ADAMTS14: variants seen among roughly 807,000 people sequenced by gnomAD.
ADAMTS14 encodes the protein ADAM metallopeptidase with thrombospondin type 1 motif 14, also known as A disintegrin and metalloproteinase with thrombospondin motifs 14.
Under a neutral mutation model 128.6 loss-of-function variants are expected in ADAMTS14, and 100 were observed. The ratio of observed to expected loss-of-function variants is 0.78; its 90% CI spans 0.66 to 0.92. The LOEUF is 0.92. Among genes scored for constraint, ADAMTS14 ranks in the 40% least tolerant of loss-of-function variants. The pLI is 0.00. For missense variants in ADAMTS14, 1,562 were observed against 1,658.6 expected (o/e 0.94, Z 1.01); for synonymous variants, 665 against 653.8 (o/e 1.02, Z -0.26).
rs151078249 is a variant in ADAMTS14, at chr10:70,675,203, C to T, written c.522+208C>T. On this transcript the variant is annotated intron_variant, in intron 2 of 21. Transcript: ENST00000373207. Reference sequence around the variant, plus strand: ...CCAAGTTGGGATGATGTTCACCCCTCGCCTTCCATGGACCCAGCTGGATCA... The same window carrying T: ...CCAAGTTGGGATGATGTTCACCCCTTGCCTTCCATGGACCCAGCTGGATCA... 1.1e-4 allele frequency among the ~76,000 whole-genome samples: 16 copies of T among 152,308 alleles called. No individual in the cohort carries two copies. In the East Asian group the frequency reaches 2.1e-3, roughly 20 times the overall value.
chr10:70,745,162 G>T (rs957407120), intron 14 of ADAMTS14, 64 bp from the exon 15 acceptor site: 18 of 1,493,256 alleles, frequency 1.2e-5, no homozygotes, highest in Non-Finnish European at 1.6e-5. Flanking sequence ...GGGAGTGGGG[G>T]ACGCTGGGCA....
intron 2 of ADAMTS14, among the ~76,000 whole-genome samples, chr10:70,694,682 AT>A (rs148079755): frequency 0.015 from 2,334 of 152,310 alleles, 55 homozygotes; most frequent in African/African-American, 0.053. Context: ...TATTTTCAAG[AT>A]TCATCCATCA....
intron 4 of ADAMTS14, 98 bp from the exon 5 acceptor site, chr10:70,729,196 G>C: frequency 9.7e-7 from 1 of 1,026,528 alleles, no homozygotes; most frequent in South Asian, 1.3e-5. Flanking sequence ...TAAGGTCACG[G>C]TGGGGATACC....
chr10:70,677,573 C>A (rs1839683312), intron 2 of ADAMTS14, among the ~76,000 whole-genome samples: 1 of 152,070 alleles, frequency 6.6e-6, no homozygotes, highest in Non-Finnish European at 1.5e-5. Flanking sequence ...TGCCTGGGTC[C>A]CCCTCCCCTT....
intron 6 of ADAMTS14, 62 bp downstream of exon 6, chr10:70,730,311 T>G: frequency 6.4e-7 from 1 of 1,559,998 alleles, no homozygotes; most frequent in Non-Finnish European, 8.7e-7. Flanking sequence ...AGACAGAGGC[T>G]GGGCCTGGAG....
At chr10:70,743,459 G>A in intron 12 of ADAMTS14, 89 bp from the exon 13 acceptor site, 1 of 1,470,930 alleles carries the variant, frequency 6.8e-7, no homozygotes, top group Non-Finnish European at 9.0e-7. Flanking sequence ...GCTGGCCCCG[G>A]AGCTTTCTGG....
At position 70,730,113 on chromosome 10, in the gene ADAMTS14, G is replaced by A. The variant is rs767264188; in HGVS notation, c.966G>A (p.Leu322=). 1.2e-6 allele frequency: 2 copies of A among 1,605,008 alleles called. No homozygotes were observed. The highest frequency in any genetic ancestry group is 3.3e-5 in the Admixed American group (2 of 59,930). The change falls in exon 6 of 22, where the codon CTG becomes CTA. Residue 322 remains leucine (L), a synonymous_variant. Transcript: ENST00000373207. ...IMVGYRQSLS[L]IERGNPSRSL... ...CCCGGCCCCTGCAGTCCCTGAGCCT[G>A]ATCGAGCGCGGGAACCCCTCACGCA...
intron 2 of ADAMTS14, among the ~76,000 whole-genome samples, chr10:70,701,381 C>T (rs1305997331): frequency 1.3e-5 from 2 of 152,234 alleles, no homozygotes; most frequent in Non-Finnish European, 2.9e-5. Flanking sequence ...ATTTGTCGAA[C>T]GAGTGAAGGA....
intron 7 of ADAMTS14, 132 bp from the exon 8 acceptor site, chr10:70,733,753 A>T (rs7085143): frequency 0.26 from 310,741 of 1,190,134 alleles, 42,940 homozygotes; most frequent in Non-Finnish European, 0.28. Flanking sequence ...GTGGTTGGAA[A>T]ACTGAGGCCA....
At chr10:70,729,616 C>A (rs1804789068) in intron 5 of ADAMTS14, among the ~76,000 whole-genome samples, 1 of 152,088 alleles carries the variant, frequency 6.6e-6, no homozygotes, top group African/African-American at 2.4e-5. Context: ...ACTGGGAGAT[C>A]CCTCTTCTTG....
intron 19 of ADAMTS14, among the ~76,000 whole-genome samples, chr10:70,757,333 A>C (rs192835790): frequency 3.3e-5 from 5 of 152,032 alleles, no homozygotes; most frequent in African/African-American, 9.7e-5. Context: ...TTTTGAACAT[A>C]CTTCTGCAGG....
At position 70,755,570 on chromosome 10, in the gene ADAMTS14, C is replaced by A. The variant is rs183171553; in HGVS notation, c.2937+1563C>A. ...TTAAAAATAGTTAAGATGGGCTGGG[C>A]GCGGTGGCTCACGCCTGTAATCCCA... On this transcript the variant is annotated intron_variant, in intron 19 of 21. Transcript: ENST00000373207. 7.2e-5 allele frequency among the ~76,000 whole-genome samples: 11 copies of A among 152,182 alleles called. No homozygotes were observed. The East Asian group carries it at 2.1e-3, about 29-fold the overall frequency.
At chr10:70,732,416 A>G in intron 7 of ADAMTS14, 57 bp downstream of exon 7, 1 of 1,467,810 alleles carries the variant, frequency 6.8e-7, no homozygotes, top group South Asian at 1.2e-5. Flanking sequence ...GCTCCAGGGA[A>G]TTCTGTGGCT....
intron 19 of ADAMTS14, among the ~76,000 whole-genome samples, chr10:70,757,280 T>C (rs1842499075): frequency 6.6e-6 from 1 of 152,210 alleles, no homozygotes; most frequent in South Asian, 2.1e-4. Flanking sequence ...TGGTGCCTCC[T>C]GCTCCTTGTA....
At chr10:70,699,322 A>G (rs1178362820) in intron 2 of ADAMTS14, among the ~76,000 whole-genome samples, 3 of 152,196 alleles carry the variant, frequency 2.0e-5, no homozygotes, top group African/African-American at 7.2e-5. Context: ...AAGATGAAAT[A>G]AGATAATATA....
At position 70,760,728 on chromosome 10, in the gene ADAMTS14, A is replaced by G. The variant is rs770208075; in HGVS notation, c.3547A>G (p.Thr1183Ala). ...PGASWSISPT[T>A]PGGLPWGWTQ... ...AGCATCCTGGAGCATCTCCCCTACC[A>G]CCCCCGGGGGGCTGCCTTGGGGCTG... Residue 1183 changes from threonine to alanine, a missense_variant, in exon 22 of 22, where the codon ACC becomes GCC. Transcript: ENST00000373207. 4 of 1,612,666 alleles carry G rather than the reference A, an allele frequency of 2.5e-6. No homozygotes were observed. The Admixed American group carries it at 6.7e-5, about 27-fold the overall frequency.
At chr10:70,698,122 C>A (rs1201087126) in intron 2 of ADAMTS14, among the ~76,000 whole-genome samples, 1 of 152,134 alleles carries the variant, frequency 6.6e-6, no homozygotes, top group South Asian at 2.1e-4. Flanking sequence ...GTGTGAAGAA[C>A]CTATCTAGTA....
chr10:70,760,471 C>T lies in ADAMTS14; in HGVS notation c.3290C>T (p.Ala1097Val). 2 of 1,613,882 alleles carry T rather than the reference C, an allele frequency of 1.2e-6. No individual in the cohort carries two copies. The highest frequency in any genetic ancestry group is 1.7e-6 in the Non-Finnish European group (2 of 1,179,964). The change falls in exon 22 of 22, where the codon GCC (alanine) becomes GTC (valine). Residue 1097 changes from alanine (A) to valine (V), a missense_variant. Physicochemically the swap from Ala to Val is moderately conservative, Grantham distance 64. Coordinates refer to ENST00000373207, the MANE Select transcript of ADAMTS14 (RefSeq NM_080722.4). ...TGCTGTGTGTCCTGCATCAAGAAGGCCTCGGGCCCCAACCCTGGCCCAGAC... is the reference window on the plus strand; with the variant it reads ...TGCTGTGTGTCCTGCATCAAGAAGGTCTCGGGCCCCAACCCTGGCCCAGAC... ...RLCCVSCIKK[A>V]SGPNPGPDPG... is the part of the protein sequence containing the mutation.
At chr10:70,740,235 G>A (rs1346057860) in intron 11 of ADAMTS14, among the ~76,000 whole-genome samples, 1 of 152,164 alleles carries the variant, frequency 6.6e-6, no homozygotes, top group Non-Finnish European at 1.5e-5. Flanking sequence ...AAGCACTTAG[G>A]TACAAAAATC....
Sources: allele counts gnomAD v4.1 joint callset (sites outside exome capture counted in the v4.1 genomes callset), GRCh38; gene constraint gnomAD v4.1.1; transcripts MANE v1.5; gene names NCBI Gene and HGNC (gene_info 2026-07-23, HGNC 2026-07-21).